GRIA4: variants seen among roughly 807,000 people sequenced by gnomAD.
The protein encoded by GRIA4 is glutamate receptor 4.
In GRIA4, 34 loss-of-function variants were observed where a neutral mutation model predicts 104.0. The observed-to-expected ratio is 0.33, with a 90% confidence interval of 0.25 to 0.44. The LOEUF is 0.44. GRIA4 is among the 20% of genes least tolerant of loss of function. GRIA4 has a pLI of 1.00. For synonymous variants in GRIA4, 386 were observed against 381.9 expected (o/e 1.01, Z -0.13); for missense variants, 750 against 1,096.5 (o/e 0.68, Z 4.46).
At chr11:105,641,291 G>T (rs1015017934) in intron 3 of GRIA4, among the ~76,000 whole-genome samples, 2 of 152,020 alleles carry the variant, frequency 1.3e-5, no homozygotes, top group Non-Finnish European at 2.9e-5. Context: ...CTAAGGGCAG[G>T]TCTTAAGTTA....
chr11:105,756,360 G>T (rs1337267488), intron 4 of GRIA4, among the ~76,000 whole-genome samples: 1 of 152,092 alleles, frequency 6.6e-6, no homozygotes, highest in Non-Finnish European at 1.5e-5. Flanking sequence ...CAGATCACAA[G>T]CACCGTTCTT....
intron 3 of GRIA4, among the ~76,000 whole-genome samples, chr11:105,658,637 G>T (rs967472486): frequency 2.0e-5 from 3 of 151,850 alleles, no homozygotes; most frequent in Non-Finnish European, 4.4e-5. Context: ...AAACAAAGTG[G>T]CAAGTGAGAG....
At chr11:105,719,217 G>A (rs376643728) in intron 3 of GRIA4, among the ~76,000 whole-genome samples, 1 of 151,916 alleles carries the variant, frequency 6.6e-6, no homozygotes, top group African/African-American at 2.4e-5. Flanking sequence ...CTAAAGACAG[G>A]GACAACTCAA....
At chr11:105,805,175 C>G (rs911249401) in intron 4 of GRIA4, among the ~76,000 whole-genome samples, 1 of 151,480 alleles carries the variant, frequency 6.6e-6, no homozygotes, top group Non-Finnish European at 1.5e-5. Context: ...TCTGTAATAC[C>G]GACTTTTACT....
intron 3 of GRIA4, among the ~76,000 whole-genome samples, chr11:105,652,179 T>G (rs1951703160): frequency 6.6e-6 from 1 of 152,182 alleles, no homozygotes; most frequent in African/African-American, 2.4e-5. Context: ...CTCAAGGATT[T>G]TTTTAAATCA....
At chr11:105,958,834 G>A (rs188675745) in intron 14 of GRIA4, among the ~76,000 whole-genome samples, 4 of 152,276 alleles carry the variant, frequency 2.6e-5, no homozygotes, top group Admixed American at 1.3e-4. Flanking sequence ...GCATTTGCTT[G>A]TCTGGAAAGG....
intron 5 of GRIA4, among the ~76,000 whole-genome samples, chr11:105,871,531 A>G (rs1032198436): frequency 3.3e-5 from 5 of 151,126 alleles, no homozygotes; most frequent in Admixed American, 3.3e-4. Flanking sequence ...ATGGGAAGTA[A>G]TCATTTTAAC....
chr11:105,898,410 T>C lies in GRIA4; in HGVS notation c.868T>C (p.Ser290Pro). 1 of 1,581,016 alleles carries C rather than the reference T, an allele frequency of 6.3e-7. No individual in the cohort carries two copies. The highest frequency in any genetic ancestry group is 1.1e-5 in the South Asian group (1 of 89,936). Residue 290 changes from serine (S) to proline (P), a missense_variant, in exon 7 of 17, where the codon TCT becomes CCT. By Grantham distance (74) the Ser-to-Pro change is moderately conservative. Coordinates refer to ENST00000282499, the MANE Select transcript of GRIA4 (RefSeq NM_000829.4). Reference protein sequence around the residue: ...KKLDQREYPGSETPPKYTSAL... With the variant: ...KKLDQREYPGPETPPKYTSAL... Reference sequence around the variant, plus strand: ...ACTAGATCAGAGAGAGTATCCAGGATCTGAGACTCCTCCAAAGGTATTTGT... The same window carrying C: ...ACTAGATCAGAGAGAGTATCCAGGACCTGAGACTCCTCCAAAGGTATTTGT...
At chr11:105,788,972 T>C (rs1340960740) in intron 4 of GRIA4, among the ~76,000 whole-genome samples, 1 of 152,150 alleles carries the variant, frequency 6.6e-6, no homozygotes, top group African/African-American at 2.4e-5. Flanking sequence ...GTGGAATCCT[T>C]AAGCCACAGG....
chr11:105,741,172 G>A (rs1042282466), intron 3 of GRIA4, among the ~76,000 whole-genome samples: 2 of 152,136 alleles, frequency 1.3e-5, no homozygotes, highest in African/African-American at 4.8e-5. Context: ...GAAATAAGAG[G>A]AAGATAAGAA....
chr11:105,978,953 C>T (rs1402380645), intron 16 of GRIA4, among the ~76,000 whole-genome samples: 2 of 152,324 alleles, frequency 1.3e-5, no homozygotes, highest in East Asian at 3.9e-4. Context: ...TATCCCTTTT[C>T]AGTGCACCCC....
chr11:105,847,739 A>G (rs1944650942), intron 4 of GRIA4, among the ~76,000 whole-genome samples: 1 of 152,214 alleles, frequency 6.6e-6, no homozygotes, highest in Non-Finnish European at 1.5e-5. Flanking sequence ...GTCAGGTAGA[A>G]CATTTATATA....
chr11:105,687,927 C>A (rs1952936626), intron 3 of GRIA4, among the ~76,000 whole-genome samples: 1 of 152,160 alleles, frequency 6.6e-6, no homozygotes, highest in Admixed American at 6.5e-5. Context: ...ACTTTCTCTT[C>A]ATTTCCATCA....
chr11:105,704,477 A>G (rs1054577433), intron 3 of GRIA4, among the ~76,000 whole-genome samples: 3 of 151,964 alleles, frequency 2.0e-5, no homozygotes, highest in East Asian at 3.9e-4. Context: ...AGAGAAATAG[A>G]CATCTGGACC....
chr11:105,886,846 AT>A (rs1267778937), intron 5 of GRIA4, among the ~76,000 whole-genome samples: 3 of 151,654 alleles, frequency 2.0e-5, no homozygotes, highest in Admixed American at 6.6e-5. Flanking sequence ...GATCTCTAGA[AT>A]TTTTTTTAAA....
rs944065529 is a variant in GRIA4 at position 105,928,114 on chromosome 11, A to G, written c.2046+1175A>G. Among the ~76,000 whole-genome samples, 5 of 151,978 alleles carry G rather than the reference A, an allele frequency of 3.3e-5. No individual in the cohort carries two copies. The East Asian group carries it at 7.7e-4, about 23-fold the overall frequency. On this transcript the variant is annotated intron_variant, in intron 13 of 16. Coordinates refer to ENST00000282499, the MANE Select transcript of GRIA4 (RefSeq NM_000829.4). ...CTTAGGCCAGCTTTAACTTTTGTAT[A>G]CTTGAATTTCTGTAAGATATTTATC...
chr11:105,746,399 T>C (rs1939658833), intron 3 of GRIA4, among the ~76,000 whole-genome samples: 2 of 151,378 alleles, frequency 1.3e-5, no homozygotes, highest in East Asian at 1.9e-4. Flanking sequence ...AATATTGTTA[T>C]GAAAATTCAG....
chr11:105,939,795 G>A lies in GRIA4; in HGVS notation c.2294+5826G>A, dbSNP rs1948138358. Among the ~76,000 whole-genome samples, 9 of 152,254 alleles carry A rather than the reference G, an allele frequency of 5.9e-5. 1 individual carries two copies. In the South Asian group the frequency reaches 1.9e-3, roughly 32 times the overall value. On this transcript the variant is annotated intron_variant, in intron 14 of 16. Transcript: ENST00000282499. ...GTCAAGTGACATATTCGCTATTGTTGTTGTTGTTTGCACATCATTTGTGTT... is the reference window on the plus strand; with the variant it reads ...GTCAAGTGACATATTCGCTATTGTTATTGTTGTTTGCACATCATTTGTGTT...
chr11:105,738,930 C>CAAAAA (rs1301890108), intron 3 of GRIA4, among the ~76,000 whole-genome samples: 1 of 80,638 alleles, frequency 1.2e-5, no homozygotes, highest in Non-Finnish European at 2.7e-5. Flanking sequence ...TAAAAAAAAA[C>CAAAAA]AAAAAAAAAA....
Sources: gnomAD v4.1 joint callset for allele counts (sites outside exome capture counted in the v4.1 genomes callset) on GRCh38, gnomAD v4.1.1 for gene constraint, MANE v1.5 for transcripts, NCBI Gene and HGNC (gene_info 2026-07-23, HGNC 2026-07-21) for gene names.